PDE1A: variants seen among roughly 807,000 people sequenced by gnomAD.
The protein encoded by PDE1A is phosphodiesterase 1A, also known as dual specificity calcium/calmodulin-dependent 3',5'-cyclic nucleotide phosphodiesterase 1A.
PDE1A carries 35 observed loss-of-function variants against 61.7 expected under a neutral mutation model. The observed-to-expected ratio is 0.57, with a 90% confidence interval of 0.43 to 0.75. The LOEUF is 0.75. PDE1A is among the 30% of genes least tolerant of loss of function. PDE1A has a pLI of 0.00. For synonymous variants in PDE1A, 232 were observed against 213.2 expected, an observed-to-expected ratio of 1.09 and a Z score of -0.77; for missense variants, 597 against 630.6, an observed-to-expected ratio of 0.95 and a Z score of 0.57.
intron 1 of PDE1A, among the ~76,000 whole-genome samples, chr2:182,385,674 G>GAAGAAAA (rs1701002971): frequency 8.7e-6 from 1 of 115,288 alleles, no homozygotes; most frequent in Non-Finnish European, 1.8e-5. Flanking sequence ...AAAAAAGAAA[G>GAAGAAAA]AAAAGAAAGA....
intron 2 of PDE1A, among the ~76,000 whole-genome samples, chr2:182,510,906 C>G (rs566642173): frequency 1.3e-5 from 2 of 152,216 alleles, no homozygotes; most frequent in Admixed American, 6.5e-5. Flanking sequence ...GAGAATACTT[C>G]CATTGAGCTA....
intron 1 of PDE1A, among the ~76,000 whole-genome samples, chr2:182,320,742 A>T (rs1301946073): frequency 6.6e-6 from 1 of 152,194 alleles, no homozygotes; most frequent in East Asian, 1.9e-4. Flanking sequence ...GTTACAAAAG[A>T]CCTATGATTA....
the PDE1A span, among the ~76,000 whole-genome samples, chr2:182,539,150 C>T: frequency 1.3e-5 from 2 of 152,192 alleles, no homozygotes; most frequent in African/African-American, 2.4e-5. Context: ...AAAATTCCTT[C>T]CTGACTTAGA....
chr2:182,268,756 C>T (rs555262019), intron 1 of PDE1A, among the ~76,000 whole-genome samples: 1 of 151,986 alleles, frequency 6.6e-6, no homozygotes, highest in East Asian at 1.9e-4. Flanking sequence ...GGTTACCAGG[C>T]GTATCTGAGA....
chr2:182,423,918 T>C (rs1359718143), intron 1 of PDE1A, among the ~76,000 whole-genome samples: 2 of 147,224 alleles, frequency 1.4e-5, no homozygotes, highest in Non-Finnish European at 3.0e-5. Context: ...ATGAGCCAAA[T>C]ATTTCAAAAA....
intron 2 of PDE1A, among the ~76,000 whole-genome samples, chr2:182,480,447 T>C (rs895922666): frequency 2.6e-5 from 4 of 151,910 alleles, no homozygotes; most frequent in Non-Finnish European, 4.4e-5. Flanking sequence ...GAACCAGAAA[T>C]ACAGTCGGCC....
intron 1 of PDE1A, among the ~76,000 whole-genome samples, chr2:182,268,476 A>C (rs987729516): frequency 2.6e-5 from 4 of 152,124 alleles, no homozygotes; most frequent in African/African-American, 9.7e-5. Flanking sequence ...TACATATATA[A>C]TGCATGGGTA....
rs1233417863 is a variant in PDE1A, at chr2:182,300,480, C to T, written c.54-36066G>A. Among the ~76,000 whole-genome samples the T allele has an allele frequency of 7.9e-5, 12 of 152,236 alleles. No homozygotes were observed. In the East Asian group the frequency reaches 2.3e-3, roughly 29 times the overall value. ...AAAGACAATAGTATGGACAAGCCTT[C>T]CCATTGGGCAGAGTTTTGAGCAGTG... On this transcript the variant is annotated intron_variant, in intron 1 of 13. Transcript: ENST00000351439.
At chr2:182,366,260 C>T (rs1408654625) in intron 1 of PDE1A, among the ~76,000 whole-genome samples, 7 of 151,942 alleles carry the variant, frequency 4.6e-5, no homozygotes, top group African/African-American at 1.7e-4. Context: ...AGGATAAGAT[C>T]CACTGTAATA....
At chr2:182,212,866 G>A (rs1175175985) in intron 7 of PDE1A, among the ~76,000 whole-genome samples, 3 of 152,188 alleles carry the variant, frequency 2.0e-5, no homozygotes, top group Admixed American at 2.0e-4. Context: ...GCCCAGCCTT[G>A]ATTAGGTAAA....
rs16822851 is a variant in PDE1A at position 182,200,971 on chromosome 2, C to T, written c.1125+468G>A. 7.6e-3 allele frequency among the ~76,000 whole-genome samples: 1,156 copies of T among 152,240 alleles called. 6 individuals are homozygous for T. The highest frequency in any genetic ancestry group is 0.011 in the Non-Finnish European group (750 of 68,012). On this transcript the variant is annotated intron_variant, in intron 10 of 13. Coordinates refer to ENST00000351439, the Ensembl canonical transcript of PDE1A. ...AATCCTTATCCGGGCTTGTTTCTGA[C>T]GTAACATTAGATTTTTGTTGTTGTT...
intron 2 of PDE1A, among the ~76,000 whole-genome samples, chr2:182,452,314 A>C (rs1290041881): frequency 6.6e-6 from 1 of 152,044 alleles, no homozygotes; most frequent in Non-Finnish European, 1.5e-5. Context: ...TTTGAATTTC[A>C]ATCCAAGCAG....
chr2:182,706,057 A>G, the PDE1A span, among the ~76,000 whole-genome samples: 1 of 152,216 alleles, frequency 6.6e-6, no homozygotes, highest in African/African-American at 2.4e-5. Context: ...GGAGAATAGA[A>G]TAGAAGCCTA....
At chr2:182,147,098 T>A (rs1473373337) in exon 14 of PDE1A, 1 of 1,607,262 alleles carries the variant, frequency 6.2e-7, no homozygotes, top group South Asian at 1.1e-5. Context: ...TGTCTCATCA[T>A]GTTTTTCTTC....
At chr2:182,452,741 A>C (rs1192323962) in intron 2 of PDE1A, among the ~76,000 whole-genome samples, 1 of 152,152 alleles carries the variant, frequency 6.6e-6, no homozygotes, top group Non-Finnish European at 1.5e-5. Flanking sequence ...CTTGCAGAAG[A>C]AGAGTTCGAG....
chr2:182,221,215 G>C (rs577089024), intron 7 of PDE1A, among the ~76,000 whole-genome samples: 1 of 152,074 alleles, frequency 6.6e-6, no homozygotes, highest in African/African-American at 2.4e-5. Flanking sequence ...AAGCTAGAGT[G>C]ATGATCTAAC....
intron 9 of PDE1A, 25 bp downstream of exon 9, chr2:182,201,663 A>AAAC (rs1553535416): frequency 2.0e-6 from 3 of 1,518,024 alleles, no homozygotes; most frequent in Non-Finnish European, 2.7e-6. Flanking sequence ...AAAAAAAAAA[A>AAAC]CAACAAAAAA....
At chr2:182,652,595 G>A in the PDE1A span, among the ~76,000 whole-genome samples, 1 of 152,014 alleles carries the variant, frequency 6.6e-6, no homozygotes, top group African/African-American at 2.4e-5. Context: ...TGTGAGGTGG[G>A]GCACATCCTC....
exon 14 of PDE1A, chr2:182,167,936 A>C: frequency 8.8e-7 from 1 of 1,137,968 alleles, no homozygotes; most frequent in Non-Finnish European, 1.1e-6. Context: ...ATTAGCAATT[A>C]GCTGCTCAAA....
Sources: gnomAD v4.1 joint callset for allele counts (sites outside exome capture counted in the v4.1 genomes callset) on GRCh38, gnomAD v4.1.1 for gene constraint, MANE v1.5 for transcripts, NCBI Gene and HGNC (gene_info 2026-07-23, HGNC 2026-07-21) for gene names.